ANAPC7: variants seen among roughly 807,000 people sequenced by gnomAD.
The protein encoded by ANAPC7 is anaphase-promoting complex subunit 7.
In ANAPC7, 25 loss-of-function variants were observed where a neutral mutation model predicts 63.3. The ratio of observed to expected loss-of-function variants is 0.39; its 90% CI spans 0.29 to 0.55. The LOEUF (loss-of-function observed/expected upper bound fraction) is 0.55. ANAPC7 is among the 20% of genes least tolerant of loss of function. The pLI is 0.57. For synonymous variants in ANAPC7, 241 were observed against 251.7 expected, an observed-to-expected ratio of 0.96 and a Z score of 0.40; for missense variants, 516 against 691.7, an observed-to-expected ratio of 0.75 and a Z score of 2.85.
Position 110,377,592 on chromosome 12 carries a change from G to A in ANAPC7, c.1158C>T (p.Ser386=), listed in dbSNP as rs1056308083. The A allele has an allele frequency of 5.0e-6, 8 of 1,614,014 alleles. No homozygotes were observed. The African/African-American group carries it at 1.1e-4, about 22-fold the overall frequency. ...TTACCATTGCTTCTCGAATACTGTT[G>A]GAGGCTAAGTAACATTCGATAAGAC... ...YEGLIECYLA[S]NSIREAMVMA... Residue 386 remains serine, a synonymous_variant, in exon 9 of 11, where the codon TCC becomes TCT. Transcript: ENST00000455511.
rs561480564 is a variant in ANAPC7 at position 110,398,884 on chromosome 12, G to A, written c.102-2432C>T. On this transcript the variant is annotated intron_variant, in intron 1 of 10. Transcript: ENST00000455511. ...CACTTGAATCTGGGAGGCAGAGGTTGCGGTGAGCCAAGATAGTGTGCCATT... is the reference window on the plus strand; with the variant it reads ...CACTTGAATCTGGGAGGCAGAGGTTACGGTGAGCCAAGATAGTGTGCCATT... Among the ~76,000 whole-genome samples, 5 of 152,074 alleles carry A rather than the reference G, an allele frequency of 3.3e-5. No homozygotes were observed. The East Asian group carries it at 9.8e-4, about 30-fold the overall frequency.
At chr12:110,377,923 A>C in intron 8 of ANAPC7, 2 of 733,528 alleles carry the variant, frequency 2.7e-6, no homozygotes, top group Non-Finnish European at 3.8e-6. Flanking sequence ...GGAAGAATAA[A>C]TGCGACACTA....
intron 9 of ANAPC7, among the ~76,000 whole-genome samples, chr12:110,377,010 G>A (rs1449577335): frequency 2.0e-5 from 3 of 151,614 alleles, no homozygotes; most frequent in African/African-American, 4.8e-5. Context: ...GGTGGTGCAC[G>A]CCTGTAGTCC....
At chr12:110,396,648 TTA>T in intron 1 of ANAPC7, 196 bp from the exon 2 acceptor site, 1 of 428,312 alleles carries the variant, frequency 2.3e-6, no homozygotes, top group East Asian at 4.9e-5. Context: ...GTAGCTGAGA[TTA>T]CAGGCACATG....
intron 3 of ANAPC7, among the ~76,000 whole-genome samples, chr12:110,391,343 T>G (rs936849646): frequency 1.3e-5 from 2 of 152,144 alleles, no homozygotes; most frequent in African/African-American, 2.4e-5. Context: ...TCTTAAAAGG[T>G]GAAGATTTAC....
At chr12:110,393,718 T>C (rs1379943094) in intron 3 of ANAPC7, among the ~76,000 whole-genome samples, 3 of 149,512 alleles carry the variant, frequency 2.0e-5, no homozygotes, top group Non-Finnish European at 4.4e-5. Flanking sequence ...AATTACAAAA[T>C]TAGTTGGGCA....
chr12:110,400,272 G>C (rs2062210452), intron 1 of ANAPC7, among the ~76,000 whole-genome samples: 1 of 152,144 alleles, frequency 6.6e-6, no homozygotes, highest in Admixed American at 6.5e-5. Flanking sequence ...ACTTACACAT[G>C]CATTAAGTTA....
At chr12:110,382,990 T>C in intron 6 of ANAPC7, 30 bp from the exon 7 acceptor site, 2 of 1,570,848 alleles carry the variant, frequency 1.3e-6, no homozygotes, top group Non-Finnish European at 8.7e-7. Context: ...TGAGAAGAGG[T>C]GTTTTAAGAA....
chr12:110,393,867 CAAAAAAAAA>C (rs771757058), intron 3 of ANAPC7, among the ~76,000 whole-genome samples: 2 of 37,320 alleles, frequency 5.4e-5, no homozygotes, highest in Admixed American at 6.3e-4. Flanking sequence ...AACTCCCTCT[CAAAAAAAAA>C]AAAAAAAAAA....
At chr12:110,382,767 T>C in intron 7 of ANAPC7, 76 bp downstream of exon 7, 1 of 1,268,694 alleles carries the variant, frequency 7.9e-7, no homozygotes, top group Middle Eastern at 1.9e-4. Flanking sequence ...TGCTTTCAAT[T>C]TATATTCTCT....
chr12:110,381,039 G>C (rs957110757), intron 8 of ANAPC7, among the ~76,000 whole-genome samples: 18 of 151,414 alleles, frequency 1.2e-4, no homozygotes, highest in Non-Finnish European at 2.4e-4. Context: ...ACACTGGATG[G>C]GGGCGAGCGG....
rs148833222 is a variant in ANAPC7 at position 110,393,736 on chromosome 12, G to A, written c.408+1365C>T. Among the ~76,000 whole-genome samples the A allele has an allele frequency of 6.5e-4, 99 of 151,902 alleles. 1 individual carries two copies. The East Asian group carries it at 0.018, about 28-fold the overall frequency. On this transcript the variant is annotated intron_variant, in intron 3 of 10. Transcript: ENST00000455511. ...TACAAAATTAGTTGGGCATGGTGGC[G>A]CATGCCTGTAATCCCAGCTATTTGG...
chr12:110,375,692 G>T, intron 10 of ANAPC7: 2 of 952,192 alleles, frequency 2.1e-6, no homozygotes, highest in Non-Finnish European at 2.5e-6. Flanking sequence ...AATGACTACA[G>T]TAGATAGAAA....
At chr12:110,399,090 G>A (rs2062185277) in intron 1 of ANAPC7, among the ~76,000 whole-genome samples, 1 of 148,364 alleles carries the variant, frequency 6.7e-6, no homozygotes, top group South Asian at 2.1e-4. Context: ...GCACAATCTC[G>A]GCTCACTACG....
intron 1 of ANAPC7, among the ~76,000 whole-genome samples, chr12:110,399,921 T>C (rs143082802): frequency 0.017 from 2,573 of 151,626 alleles, 75 homozygotes; most frequent in African/African-American, 0.059. Flanking sequence ...TGTTGAAACC[T>C]CGTCTCTACT....
At chr12:110,396,216 AGTCT>A in intron 2 of ANAPC7, 46 bp downstream of exon 2, 1 of 1,511,526 alleles carries the variant, frequency 6.6e-7, no homozygotes, top group South Asian at 1.2e-5. Context: ...AAATTCTTGG[AGTCT>A]TTCTCAAAAA....
chr12:110,394,180 C>CA (rs1012099383), intron 3 of ANAPC7, among the ~76,000 whole-genome samples: 40 of 150,284 alleles, frequency 2.7e-4, no homozygotes, highest in Admixed American at 9.3e-4. Context: ...TGTCTCAAAA[C>CA]AAAAAAAACA....
At chr12:110,388,943 G>A (rs1282125550) in intron 3 of ANAPC7, among the ~76,000 whole-genome samples, 4 of 152,044 alleles carry the variant, frequency 2.6e-5, no homozygotes, top group South Asian at 4.2e-4. Context: ...TTAGCTGGGC[G>A]TGGTGGCGGG....
intron 8 of ANAPC7, among the ~76,000 whole-genome samples, chr12:110,380,593 A>T (rs1362920527): frequency 7.4e-6 from 1 of 135,212 alleles, no homozygotes. Flanking sequence ...GGAGGTTGCA[A>T]TGAGCCAAGA....
Sources: gnomAD v4.1 joint callset for allele counts (sites outside exome capture counted in the v4.1 genomes callset) on GRCh38, gnomAD v4.1.1 for gene constraint, MANE v1.5 for transcripts, NCBI Gene and HGNC (gene_info 2026-07-23, HGNC 2026-07-21) for gene names.